SMAD9: variants seen among roughly 807,000 people sequenced by gnomAD.
SMAD9 encodes MAD homolog 9.
SMAD9 carries 36 observed loss-of-function variants against 46.1 expected under a neutral mutation model. That is an observed-to-expected ratio of 0.78 (90% CI 0.60 to 1.03). The LOEUF is 1.03. Ranked by LOEUF, SMAD9 falls within the 50% of genes least tolerant of loss-of-function variation. SMAD9 has a pLI of 0.00. For synonymous variants in SMAD9, 245 were observed against 237.1 expected (o/e 1.03, Z -0.31); for missense variants, 572 against 599.8 (o/e 0.95, Z 0.48).
At chr13:36,872,538 G>A (rs1217946725) in intron 3 of SMAD9, 120 bp downstream of exon 3, 1 of 1,198,376 alleles carries the variant, frequency 8.3e-7, no homozygotes, top group East Asian at 2.4e-5. Flanking sequence ...TGATTGCTTT[G>A]TAAACTGTTT....
At chr13:36,865,070 T>C (rs1272601675) in intron 5 of SMAD9, among the ~76,000 whole-genome samples, 2 of 152,180 alleles carry the variant, frequency 1.3e-5, no homozygotes, top group Admixed American at 6.5e-5. Context: ...CCCAATCACA[T>C]GCCAAAGGCT....
chr13:36,898,453 T>G (rs1344887018), intron 1 of SMAD9, among the ~76,000 whole-genome samples: 2 of 151,734 alleles, frequency 1.3e-5, no homozygotes, highest in Non-Finnish European at 2.9e-5. Flanking sequence ...TTATAAGATA[T>G]TAGAAAAAAA....
Position 36,868,669 on chromosome 13 carries a change from G to A in SMAD9, c.671-1286C>T, listed in dbSNP as rs1463681145. 3.9e-5 allele frequency among the ~76,000 whole-genome samples: 6 copies of A among 152,168 alleles called. No homozygotes were observed. In the South Asian group the frequency reaches 8.3e-4, roughly 21 times the overall value. ...GATCACTTGAACCCAGGAGTTTGAAGTTACAGTGAGCTATGACTGTGCCCC... is the reference window on the plus strand; with the variant it reads ...GATCACTTGAACCCAGGAGTTTGAAATTACAGTGAGCTATGACTGTGCCCC... On this transcript the variant is annotated intron_variant, in intron 3 of 6. Coordinates refer to ENST00000379826, the MANE Select transcript of SMAD9 (RefSeq NM_001127217.3).
At chr13:36,854,166 T>C (rs551872313) in intron 5 of SMAD9, among the ~76,000 whole-genome samples, 5 of 151,282 alleles carry the variant, frequency 3.3e-5, no homozygotes, top group African/African-American at 4.9e-5. Context: ...CTCAAAAAAA[T>C]AAATAAATAA....
In SMAD9 at chr13:36,879,289, AC is replaced by A; in HGVS notation, c.400del (p.Val134TrpfsTer112). The A allele has an allele frequency of 6.2e-7, 1 of 1,614,006 alleles. No homozygotes were observed. Among genetic ancestry groups the A allele is most frequent in the Non-Finnish European group, 8.5e-7 (1 of 1,179,988 alleles). Reference protein sequence around the residue: ...VCINPYHYRRVETPVLPPVLV... With the variant: ...VCINPYHYRRXETPVLPPVLV... ...TAAAGACGACCCACCTGGAGTCTCC[AC>A]CCGGCGGTAGTGGTAAGGGTTAATG... On this transcript the variant is annotated frameshift_variant, in exon 2 of 7. Transcript: ENST00000379826. LOFTEE classifies it high-confidence loss of function.
At chr13:36,881,836 G>C (rs2138512383) in intron 1 of SMAD9, among the ~76,000 whole-genome samples, 1 of 152,334 alleles carries the variant, frequency 6.6e-6, no homozygotes, top group Non-Finnish European at 1.5e-5. Context: ...TTAAGGAGAA[G>C]TCTCATGATA....
chr13:36,859,970 A>G (rs1440056449), intron 5 of SMAD9, among the ~76,000 whole-genome samples: 1 of 152,104 alleles, frequency 6.6e-6, no homozygotes, highest in East Asian at 1.9e-4. Flanking sequence ...CAAAAAAAAA[A>G]AGAAAAAAGA....
chr13:36,905,430 T>C (rs1024274214), intron 1 of SMAD9, among the ~76,000 whole-genome samples: 3 of 151,972 alleles, frequency 2.0e-5, no homozygotes, highest in African/African-American at 7.2e-5. Flanking sequence ...AATATATCAA[T>C]ATGAAAAGGC....
chr13:36,855,292 A>C (rs371681407), intron 5 of SMAD9, among the ~76,000 whole-genome samples: 8 of 151,686 alleles, frequency 5.3e-5, no homozygotes, highest in South Asian at 2.1e-4. Flanking sequence ...CATCCTGAGA[A>C]TGTTGCTGCT....
At chr13:36,891,340 T>C (rs1007978995) in intron 1 of SMAD9, among the ~76,000 whole-genome samples, 12 of 152,186 alleles carry the variant, frequency 7.9e-5, no homozygotes, top group Non-Finnish European at 1.3e-4. Flanking sequence ...TGAGCTATAC[T>C]TTCCCAGATT....
At chr13:36,855,421 C>T (rs1032379875) in intron 5 of SMAD9, among the ~76,000 whole-genome samples, 5 of 152,084 alleles carry the variant, frequency 3.3e-5, no homozygotes, top group Admixed American at 2.0e-4. Flanking sequence ...TGAAGAAATT[C>T]TAGTCTAGTG....
At chr13:36,911,387 T>G (rs1218012519) in intron 1 of SMAD9, among the ~76,000 whole-genome samples, 1 of 152,172 alleles carries the variant, frequency 6.6e-6, no homozygotes, top group Non-Finnish European at 1.5e-5. Flanking sequence ...CGCAATACAA[T>G]AAATTTCTTT....
At position 36,872,740 on chromosome 13, in the gene SMAD9, C is replaced by T. The variant is rs1411919052; in HGVS notation, c.588G>A (p.Ala196=). The T allele has an allele frequency of 1.2e-5, 19 of 1,613,946 alleles. No homozygotes were observed. The highest frequency in any genetic ancestry group is 2.7e-5 in the African/African-American group (2 of 74,982). Residue 196 remains alanine, a synonymous_variant, in exon 3 of 7, where the codon GCG becomes GCA. Coordinates refer to ENST00000379826, the MANE Select transcript of SMAD9 (RefSeq NM_001127217.3). ...TGGCCGTGCACGGGGACTGGGAGAA[C>T]GCGTGGCTGGGTGAGGGAGGGAGTG... The part of the protein sequence containing the change: ...CSALPPSPSH[A]FSQSPCTASY...
At chr13:36,861,084 C>T (rs2058176915) in intron 5 of SMAD9, among the ~76,000 whole-genome samples, 1 of 152,164 alleles carries the variant, frequency 6.6e-6, no homozygotes, top group African/African-American at 2.4e-5. Context: ...GCCCCTCTAC[C>T]TCAGGGACAT....
At position 36,886,444 on chromosome 13, in the gene SMAD9, T is replaced by C. The variant is rs537832537; in HGVS notation, c.-186-6569A>G. On this transcript the variant is annotated intron_variant, in intron 1 of 6. Transcript: ENST00000379826. ...CAAGATCTCCTCAATCTCCAAAACGTTGTGGCTCTAAAGGGGCATGAAGCA... is the reference window on the plus strand; with the variant it reads ...CAAGATCTCCTCAATCTCCAAAACGCTGTGGCTCTAAAGGGGCATGAAGCA... Among the ~76,000 whole-genome samples, 133 of 152,314 alleles carry C rather than the reference T, an allele frequency of 8.7e-4. 2 individuals are homozygous for C. The highest frequency in any genetic ancestry group is 8.5e-3 in the South Asian group (41 of 4,832).
chr13:36,860,758 C>T (rs924660806), intron 5 of SMAD9, among the ~76,000 whole-genome samples: 1 of 151,832 alleles, frequency 6.6e-6, no homozygotes, highest in Non-Finnish European at 1.5e-5. Context: ...CGGCCACCAG[C>T]GTGTCTCTTA....
intron 1 of SMAD9, among the ~76,000 whole-genome samples, chr13:36,910,430 ACAC>A (rs2058652379): frequency 6.6e-6 from 1 of 152,124 alleles, no homozygotes; most frequent in African/African-American, 2.4e-5. Flanking sequence ...CACAGAATGT[ACAC>A]CACCAAGAGT....
chr13:36,895,424 C>T (rs1022155112), intron 1 of SMAD9, among the ~76,000 whole-genome samples: 3 of 152,254 alleles, frequency 2.0e-5, no homozygotes, highest in Non-Finnish European at 2.9e-5. Flanking sequence ...CTGTCCTGTG[C>T]GTTACAGGGT....
chr13:36,874,797 G>A (rs1593582384), intron 2 of SMAD9, among the ~76,000 whole-genome samples: 2 of 139,834 alleles, frequency 1.4e-5, no homozygotes, highest in South Asian at 4.5e-4. Flanking sequence ...GGCGGAGCTT[G>A]CAGTGAGCCA....
Sources: gnomAD v4.1 joint callset for allele counts (sites outside exome capture counted in the v4.1 genomes callset) on GRCh38, gnomAD v4.1.1 for gene constraint, MANE v1.5 for transcripts, NCBI Gene and HGNC (gene_info 2026-07-23, HGNC 2026-07-21) for gene names.